DLC1: variants seen among roughly 807,000 people sequenced by gnomAD.
DLC1 encodes the protein rho GTPase-activating protein 7.
Under a neutral mutation model 140.3 loss-of-function variants are expected in DLC1, and 54 were observed. That is an observed-to-expected ratio of 0.38 (90% CI 0.31 to 0.48). The LOEUF is 0.48. Ranked by LOEUF, DLC1 falls within the 20% of genes least tolerant of loss-of-function variation. The pLI is 0.96. For missense variants in DLC1, 2,536 were observed against 1,907.0 expected (o/e 1.33, Z -6.14); for synonymous variants, 986 against 728.1 (o/e 1.35, Z -5.70).
At chr8:13,468,634 C>T (rs747352433) in intron 2 of DLC1, among the ~76,000 whole-genome samples, 4 of 151,784 alleles carry the variant, frequency 2.6e-5, no homozygotes, top group South Asian at 2.1e-4. Flanking sequence ...CTCAGCCTCC[C>T]GAAGTGCTAG....
intron 5 of DLC1, among the ~76,000 whole-genome samples, chr8:13,195,811 A>G (rs577002794): frequency 1.0e-3 from 153 of 152,320 alleles, no homozygotes; most frequent in Admixed American, 6.4e-3. Flanking sequence ...TGGTTGACCT[A>G]TAGCAGCACT....
At chr8:13,261,802 A>G (rs1217405472) in intron 5 of DLC1, among the ~76,000 whole-genome samples, 1 of 152,220 alleles carries the variant, frequency 6.6e-6, no homozygotes, top group East Asian at 1.9e-4. Context: ...AAAAAGCTCA[A>G]TTTTTGACAT....
chr8:13,095,436 A>C (rs1237322589), intron 10 of DLC1, 191 bp from the exon 11 acceptor site: 6 of 654,432 alleles, frequency 9.2e-6, no homozygotes, highest in Non-Finnish European at 1.3e-5. Context: ...GTGCTCCTTC[A>C]TCTTTTGTGC....
chr8:13,597,130 G>A (rs778635596), intron 1 of DLC1, among the ~76,000 whole-genome samples: 10 of 151,980 alleles, frequency 6.6e-5, no homozygotes, highest in African/African-American at 1.4e-4. Context: ...ATGCTATTAC[G>A]TTTGCAGTTT....
chr8:13,111,005 G>A (rs999397144), intron 6 of DLC1, among the ~76,000 whole-genome samples, 182 bp from the exon 7 acceptor site: 11 of 152,170 alleles, frequency 7.2e-5, no homozygotes, highest in African/African-American at 2.2e-4. Context: ...GGGCATCACT[G>A]TCCTAAAGGA....
intron 1 of DLC1, among the ~76,000 whole-genome samples, chr8:13,514,297 A>G (rs1378495429): frequency 6.6e-6 from 1 of 152,220 alleles, no homozygotes; most frequent in African/African-American, 2.4e-5. Context: ...ATGCCAAGAA[A>G]TAGGAAAACT....
At chr8:13,555,476 A>G (rs994942283) in intron 1 of DLC1, among the ~76,000 whole-genome samples, 1 of 152,002 alleles carries the variant, frequency 6.6e-6, no homozygotes, top group Admixed American at 6.6e-5. Context: ...TTATGTTTGT[A>G]GCTTTTTAAT....
exon 1 of DLC1, chr8:13,604,593 A>G (rs984164220): frequency 6.6e-6 from 1 of 152,188 alleles, no homozygotes; most frequent in Non-Finnish European, 1.5e-5. Flanking sequence ...CTCACTGCCA[A>G]TGTGTTGTCT....
intron 5 of DLC1, among the ~76,000 whole-genome samples, chr8:13,251,156 C>T (rs181421441): frequency 3.3e-5 from 5 of 152,316 alleles, no homozygotes; most frequent in Middle Eastern, 3.4e-3. Flanking sequence ...TCTTTCTCTT[C>T]TTGTGAGGAC....
At chr8:13,198,364 G>A in intron 5 of DLC1, among the ~76,000 whole-genome samples, 1 of 152,160 alleles carries the variant, frequency 6.6e-6, no homozygotes, top group East Asian at 1.9e-4. Context: ...GAGATGCTGA[G>A]CCGGTTCCAG....
chr8:13,377,183 C>T (rs1410263943), intron 4 of DLC1, among the ~76,000 whole-genome samples: 1 of 152,106 alleles, frequency 6.6e-6, no homozygotes, highest in African/African-American at 2.4e-5. Context: ...CATCTTATTT[C>T]TGTTTGAATT....
intron 2 of DLC1, among the ~76,000 whole-genome samples, chr8:13,462,237 T>C (rs1386908271): frequency 6.6e-6 from 1 of 152,170 alleles, no homozygotes; most frequent in East Asian, 1.9e-4. Context: ...ATTGAAAATT[T>C]ACCAATTTTT....
At chr8:13,099,250 G>A (rs542147572) in intron 9 of DLC1, 97 bp downstream of exon 9, 115 of 1,506,108 alleles carry the variant, frequency 7.6e-5, no homozygotes, top group Non-Finnish European at 9.4e-5. Flanking sequence ...GGCTAAGAAT[G>A]CCAGACTTAA....
intron 5 of DLC1, among the ~76,000 whole-genome samples, chr8:13,222,801 C>G (rs182573895): frequency 1.3e-5 from 2 of 152,054 alleles, no homozygotes; most frequent in East Asian, 3.9e-4. Flanking sequence ...TGGAGTGCAG[C>G]GATGCAATCA....
intron 1 of DLC1, among the ~76,000 whole-genome samples, chr8:13,536,760 T>G (rs1474727331): frequency 1.3e-5 from 2 of 152,170 alleles, no homozygotes; most frequent in Non-Finnish European, 2.9e-5. Context: ...TTTGAAGAGA[T>G]ATTGCGTATC....
chr8:13,503,278 C>T lies in DLC1; in HGVS notation c.-125-3082G>A, dbSNP rs117782079. 3.3e-3 allele frequency among the ~76,000 whole-genome samples: 495 copies of T among 152,100 alleles called. 3 individuals carry two copies. Among genetic ancestry groups the T allele is most frequent in the East Asian group, 0.018 (94 of 5,158 alleles). ...AATTAGCCAGGAGTGGTGGCGTGCACCTGTAGACCCAGCAACTTGGGAGGC... is the reference window on the plus strand; with the variant it reads ...AATTAGCCAGGAGTGGTGGCGTGCATCTGTAGACCCAGCAACTTGGGAGGC... On this transcript the variant is annotated intron_variant, in intron 1 of 17. Transcript: ENST00000276297.
Position 13,132,912 on chromosome 8 carries a change from C to T in DLC1, c.1349-17255G>A, listed in dbSNP as rs953021918. 3 of 1,578,262 alleles carry T rather than the reference C, an allele frequency of 1.9e-6. No homozygotes were observed. The African/African-American group carries it at 4.0e-5, about 21-fold the overall frequency. On this transcript the variant is annotated intron_variant, in intron 5 of 17. Coordinates refer to ENST00000276297, the MANE Select transcript of DLC1 (RefSeq NM_182643.3). ...CCCCTCCGCAGCCCGCTCCCGCGGC[C>T]AGCCCGACGGCAAGACGCAAGTCTA...
At chr8:13,256,519 C>T (rs944988739) in intron 5 of DLC1, among the ~76,000 whole-genome samples, 1 of 152,160 alleles carries the variant, frequency 6.6e-6, no homozygotes, top group Non-Finnish European at 1.5e-5. Context: ...GGCACATATA[C>T]ACCATGGAAT....
At chr8:13,192,203 G>A (rs1215731687) in intron 5 of DLC1, among the ~76,000 whole-genome samples, 6 of 151,670 alleles carry the variant, frequency 4.0e-5, no homozygotes, top group African/African-American at 1.2e-4. Flanking sequence ...TGCCGGCCTC[G>A]GCCTCCTAAA....
Sources: gnomAD v4.1 joint callset for allele counts (sites outside exome capture counted in the v4.1 genomes callset) on GRCh38, gnomAD v4.1.1 for gene constraint, MANE v1.5 for transcripts, NCBI Gene and HGNC (gene_info 2026-07-23, HGNC 2026-07-21) for gene names.